AK9: variants seen among roughly 807,000 people sequenced by gnomAD.
The protein encoded by AK9 is adenylate kinase domain containing 1.
A neutral mutation model predicts 239.6 loss-of-function variants in AK9; 191 were observed. The ratio of observed to expected loss-of-function variants is 0.80; its 90% CI spans 0.71 to 0.90. AK9 has a LOEUF of 0.90. Ranked by LOEUF, AK9 falls within the 40% of genes least tolerant of loss-of-function variation. The pLI is 0.00. For missense variants in AK9, 1,995 were observed against 2,214.7 expected (o/e 0.90, Z 1.99); for synonymous variants, 689 against 721.0 (o/e 0.96, Z 0.71).
intron 8 of AK9, among the ~76,000 whole-genome samples, chr6:109,647,905 C>T (rs896370143): frequency 2.0e-5 from 3 of 152,072 alleles, no homozygotes; most frequent in Non-Finnish European, 4.4e-5. Flanking sequence ...GACCACAGTG[C>T]AATCAAACTA....
At chr6:109,544,224 G>A (rs1783242840) in intron 26 of AK9, among the ~76,000 whole-genome samples, 1 of 152,152 alleles carries the variant, frequency 6.6e-6, no homozygotes, top group Non-Finnish European at 1.5e-5. Context: ...ACATATAACT[G>A]CATTTGGATC....
intron 8 of AK9, among the ~76,000 whole-genome samples, chr6:109,646,499 T>C (rs919121228): frequency 6.6e-6 from 1 of 151,982 alleles, no homozygotes. Context: ...GTACCAGTGA[T>C]TGAAGATCAA....
rs781588204 is a variant in AK9 at position 109,675,581 on chromosome 6, G to A, written c.117+48C>T. 4.2e-6 allele frequency: 5 copies of A among 1,187,380 alleles called. 1 individual carries two copies. The highest frequency in any genetic ancestry group is 3.7e-5 in the South Asian group (2 of 53,956). 73.6% of individuals were successfully genotyped at this position (1,187,380 alleles called of 1,614,324 possible). A position where few individuals can be genotyped will look rare whatever the true frequency, so the allele number is the denominator to read the frequency against. On this transcript the variant is annotated intron_variant, in intron 2 of 40. Transcript: ENST00000424296. Reference sequence around the variant, plus strand: ...TTTATATGGTAACTTAGAAAATTGTGATTTTAAAAATAAAAAAAATTATAC... The same window carrying A: ...TTTATATGGTAACTTAGAAAATTGTAATTTTAAAAATAAAAAAAATTATAC...
intron 5 of AK9, among the ~76,000 whole-genome samples, chr6:109,663,619 T>C (rs899951175): frequency 6.6e-6 from 1 of 152,200 alleles, no homozygotes; most frequent in African/African-American, 2.4e-5. Flanking sequence ...TTCTTGATAC[T>C]GTATAGTAAA....
intron 38 of AK9, 79 bp downstream of exon 38, chr6:109,497,380 TCTCTCA>T (rs71553764): frequency 0.01 from 7,376 of 716,288 alleles, 240 homozygotes; most frequent in Non-Finnish European, 0.012. Flanking sequence ...TCTCTCTCTC[TCTCTCA>T]CACACTCCTC....
chr6:109,504,819 CTG>C (rs1407691853), intron 35 of AK9, among the ~76,000 whole-genome samples: 1 of 152,140 alleles, frequency 6.6e-6, no homozygotes, highest in Non-Finnish European at 1.5e-5. Context: ...GAAAAAAGAA[CTG>C]TGTGTCCTGT....
intron 29 of AK9, among the ~76,000 whole-genome samples, chr6:109,520,149 T>C (rs577320376): frequency 6.6e-6 from 1 of 152,288 alleles, no homozygotes; most frequent in South Asian, 2.1e-4. Flanking sequence ...TTTTTGTTTT[T>C]GGTACAATTA....
intron 17 of AK9, among the ~76,000 whole-genome samples, chr6:109,604,535 T>C (rs979215892): frequency 3.9e-5 from 6 of 152,208 alleles, no homozygotes; most frequent in African/African-American, 1.4e-4. Context: ...TTTTTATCCA[T>C]ACTGAAGTTT....
At chr6:109,553,737 T>C (rs983578872) in intron 24 of AK9, among the ~76,000 whole-genome samples, 1 of 152,200 alleles carries the variant, frequency 6.6e-6, no homozygotes, top group East Asian at 1.9e-4. Context: ...TCCAATACTA[T>C]GTTGAATGGG....
At chr6:109,528,129 G>C (rs187696693) in intron 29 of AK9, 34 of 241,672 alleles carry the variant, frequency 1.4e-4, no homozygotes, top group African/African-American at 7.6e-4. Context: ...ATACTGCGTA[G>C]GTGTGTTTAA....
intron 27 of AK9, 137 bp downstream of exon 27, chr6:109,541,908 GTA>G (rs1459024569): frequency 3.2e-5 from 23 of 721,540 alleles, no homozygotes; most frequent in Non-Finnish European, 4.9e-5. Flanking sequence ...TTTTTAATGT[GTA>G]TCTCAAGTGA....
chr6:109,639,225 G>A (rs566139327), intron 10 of AK9, among the ~76,000 whole-genome samples: 15 of 152,024 alleles, frequency 9.9e-5, no homozygotes, highest in South Asian at 6.2e-4. Context: ...AGGAATCACC[G>A]CACTGTCTTC....
At chr6:109,593,515 G>A (rs888724917) in intron 17 of AK9, among the ~76,000 whole-genome samples, 3 of 152,010 alleles carry the variant, frequency 2.0e-5, no homozygotes, top group South Asian at 2.1e-4. Flanking sequence ...CTCATTTCAC[G>A]AGGCCAGCAT....
At chr6:109,645,868 A>G (rs1472779893) in intron 8 of AK9, among the ~76,000 whole-genome samples, 1 of 152,216 alleles carries the variant, frequency 6.6e-6, no homozygotes, top group African/African-American at 2.4e-5. Flanking sequence ...CAGAGGAAGG[A>G]TCAGGCAGCA....
In AK9 at chr6:109,501,044, C is replaced by T. The variant is rs911923735; in HGVS notation, c.4850-1804G>A. 3.9e-5 allele frequency among the ~76,000 whole-genome samples: 6 copies of T among 152,196 alleles called. No individual in the cohort carries two copies. In the East Asian group the frequency reaches 9.7e-4, roughly 25 times the overall value. On this transcript the variant is annotated intron_variant, in intron 35 of 40. Coordinates refer to ENST00000424296, the MANE Select transcript of AK9 (RefSeq NM_001145128.3). The stretch of plus-strand genomic sequence containing the variant: ...AAAATGAAAGAAAAGAAATACATCA[C>T]ACCCTCACAGTGTCTGGAGAAGCAC...
At chr6:109,597,565 C>G (rs1300765052) in intron 17 of AK9, among the ~76,000 whole-genome samples, 1 of 151,822 alleles carries the variant, frequency 6.6e-6, no homozygotes, top group African/African-American at 2.4e-5. Flanking sequence ...CCCAGCTACT[C>G]GGGAGGCTAA....
intron 28 of AK9, among the ~76,000 whole-genome samples, chr6:109,529,959 G>A (rs1305455733): frequency 6.6e-6 from 1 of 152,100 alleles, no homozygotes; most frequent in East Asian, 1.9e-4. Context: ...ATGGCCCAAG[G>A]GTTGGGAACC....
intron 31 of AK9, among the ~76,000 whole-genome samples, 171 bp downstream of exon 31, chr6:109,515,686 T>C (rs1310550701): frequency 6.6e-6 from 1 of 152,198 alleles, no homozygotes; most frequent in African/African-American, 2.4e-5. Context: ...AAAGAAAAGC[T>C]GAAAGTTTAA....
intron 1 of AK9, among the ~76,000 whole-genome samples, chr6:109,678,633 G>A (rs1426556134): frequency 6.6e-6 from 1 of 151,818 alleles, no homozygotes; most frequent in Non-Finnish European, 1.5e-5. Flanking sequence ...ACTAGTTGCC[G>A]CCCCCCAAAA....
Sources: allele counts gnomAD v4.1 joint callset (sites outside exome capture counted in the v4.1 genomes callset), GRCh38; gene constraint gnomAD v4.1.1; transcripts MANE v1.5; gene names NCBI Gene and HGNC (gene_info 2026-07-23, HGNC 2026-07-21).